Variants in C11orf65 observed in about 807,000 individuals in gnomAD.
C11orf65 encodes the protein protein MFI.
In C11orf65, 38 loss-of-function variants were observed where a neutral mutation model predicts 35.3. That is an observed-to-expected ratio of 1.08 (90% CI 0.83 to 1.41). The LOEUF is 1.41. Among genes scored for constraint, C11orf65 ranks in the 40% most tolerant of loss-of-function variants. The pLI is 0.00. For missense variants in C11orf65, 370 were observed against 367.1 expected (o/e 1.01, Z -0.06); for synonymous variants, 105 against 114.4 (o/e 0.92, Z 0.53).
intron 6 of C11orf65, among the ~76,000 whole-genome samples, chr11:108,325,154 C>G (rs574305772): frequency 4.7e-4 from 72 of 151,810 alleles, no homozygotes; most frequent in African/African-American, 1.7e-3. Context: ...AAATTTTGAT[C>G]CATATGTAGG....
intron 1 of C11orf65, among the ~76,000 whole-genome samples, chr11:108,466,985 A>AAAC (rs61681162): frequency 0.62 from 94,042 of 151,766 alleles, 29,421 homozygotes; most frequent in Middle Eastern, 0.76. Flanking sequence ...AGGAGAAGAA[A>AAAC]AACTAACCTA....
chr11:108,401,318 G>GA (rs200005038), intron 6 of C11orf65, among the ~76,000 whole-genome samples: 151 of 145,322 alleles, frequency 1.0e-3, no homozygotes, highest in Non-Finnish European at 1.4e-3. Context: ...ATTAAAAAAA[G>GA]AAAAAAAAAA....
chr11:108,386,580 T>C (rs2092005948), intron 7 of C11orf65, among the ~76,000 whole-genome samples: 1 of 152,090 alleles, frequency 6.6e-6, no homozygotes, highest in African/African-American at 2.4e-5. Context: ...AGAGGTAGAA[T>C]AGGGAAGGAC....
intron 2 of C11orf65, among the ~76,000 whole-genome samples, chr11:108,451,697 A>G (rs1001642983): frequency 2.7e-4 from 41 of 152,210 alleles, no homozygotes; most frequent in African/African-American, 8.4e-4. Context: ...TGCATTGCCA[A>G]GACAATCCTA....
At chr11:108,431,394 G>A (rs150436115) in intron 3 of C11orf65, among the ~76,000 whole-genome samples, 26 of 152,198 alleles carry the variant, frequency 1.7e-4, no homozygotes, top group Non-Finnish European at 1.5e-5. Flanking sequence ...ATACCCCAAA[G>A]CATACTATAG....
At chr11:108,467,167 G>C (rs1307874070) in intron 1 of C11orf65, among the ~76,000 whole-genome samples, 1 of 152,150 alleles carries the variant, frequency 6.6e-6, no homozygotes, top group Non-Finnish European at 1.5e-5. Flanking sequence ...TTGGGGTGTG[G>C]GGATCTGTGA....
intron 2 of C11orf65, chr11:108,345,984 T>C (rs1243053081): frequency 1.0e-5 from 16 of 1,551,522 alleles, no homozygotes; most frequent in Non-Finnish European, 1.4e-5. Flanking sequence ...TTCAGCACTT[T>C]TTCTACATTC....
intron 1 of C11orf65, among the ~76,000 whole-genome samples, chr11:108,465,683 G>GT (rs200598317): frequency 1.9e-3 from 281 of 149,598 alleles, no homozygotes; most frequent in East Asian, 5.1e-3. Flanking sequence ...TGGATTAAAG[G>GT]TTTTTTTTTA....
At chr11:108,401,645 C>G (rs1393086422) in intron 6 of C11orf65, among the ~76,000 whole-genome samples, 1 of 152,186 alleles carries the variant, frequency 6.6e-6, no homozygotes, top group Non-Finnish European at 1.5e-5. Flanking sequence ...AGATCTCCCC[C>G]AACCCCATGA....
At chr11:108,322,591 T>G (rs968797156) in intron 6 of C11orf65, among the ~76,000 whole-genome samples, 2 of 152,230 alleles carry the variant, frequency 1.3e-5, no homozygotes, top group African/African-American at 4.8e-5. Context: ...CCAGGGATTT[T>G]GGAAGATGAA....
chr11:108,325,158 A>G lies in C11orf65; in HGVS notation c.641-16087T>C, dbSNP rs980439466. 14 of 596,984 alleles carry G rather than the reference A, an allele frequency of 2.3e-5. No homozygotes were observed. The Admixed American group carries it at 4.2e-4, about 18-fold the overall frequency. The allele number at this position is 596,984 out of a possible 1,614,324, so 37.0% of individuals were successfully genotyped here. ...TGTAGTTTTCTAAATTTTGATCCAT[A>G]TGTAGGATTATTTACAAGTTCTAGT... On this transcript the variant is annotated intron_variant, in intron 6 of 6. Coordinates refer to the C11orf65 transcript ENST00000525729.
At chr11:108,365,211 A>C in intron 2 of C11orf65, 1 of 1,614,188 alleles carries the variant, frequency 6.2e-7, no homozygotes. Flanking sequence ...ATGCAAACGA[A>C]ATCTCAGGTG....
chr11:108,391,528 G>C (rs560525038), intron 7 of C11orf65, among the ~76,000 whole-genome samples: 1 of 152,048 alleles, frequency 6.6e-6, no homozygotes, highest in Admixed American at 6.6e-5. Flanking sequence ...ACAGGTGCCC[G>C]CCACCAGGCC....
At chr11:108,335,309 A>G in intron 2 of C11orf65, 1 of 1,476,598 alleles carries the variant, frequency 6.8e-7, no homozygotes, top group Non-Finnish European at 9.0e-7. Context: ...GACAATCATT[A>G]TTATATGGTT....
chr11:108,311,689 C>T (rs1460629883), intron 6 of C11orf65, among the ~76,000 whole-genome samples: 1 of 151,174 alleles, frequency 6.6e-6, no homozygotes, highest in African/African-American at 2.4e-5. Context: ...CAGAGCGAGA[C>T]CCTATCTCAT....
At chr11:108,431,566 G>C (rs949775703) in intron 3 of C11orf65, among the ~76,000 whole-genome samples, 180 bp downstream of exon 3, 1 of 152,126 alleles carries the variant, frequency 6.6e-6, no homozygotes, top group Non-Finnish European at 1.5e-5. Flanking sequence ...CGGTTACATA[G>C]GTGTTTGCTT....
intron 2 of C11orf65, among the ~76,000 whole-genome samples, chr11:108,449,024 C>G (rs1591588448): frequency 6.6e-6 from 1 of 152,280 alleles, no homozygotes; most frequent in East Asian, 1.9e-4. Flanking sequence ...TGAGTGAACT[C>G]CCATTCACAA....
intron 2 of C11orf65, among the ~76,000 whole-genome samples, chr11:108,337,221 C>CAT (rs1169223205): frequency 2.0e-5 from 3 of 152,124 alleles, no homozygotes; most frequent in Admixed American, 1.3e-4. Context: ...GGGAGAGGGG[C>CAT]ATACTGTTCA....
chr11:108,356,095 A>T (rs534931133), intron 2 of C11orf65: 1 of 152,332 alleles, frequency 6.6e-6, no homozygotes, highest in Middle Eastern at 3.4e-3. Context: ...CATTTGTTAC[A>T]GTTTGCCATT....
Sources: gnomAD v4.1 joint callset for allele counts (sites outside exome capture counted in the v4.1 genomes callset) on GRCh38, gnomAD v4.1.1 for gene constraint, MANE v1.5 for transcripts, NCBI Gene and HGNC (gene_info 2026-07-23, HGNC 2026-07-21) for gene names.